The following BRINP3 variants were observed in gnomAD, a reference collection of about 807,000 sequenced individuals.
BRINP3 encodes the protein BMP/retinoic acid-inducible neural-specific protein 3.
In BRINP3, 19 loss-of-function variants were observed where a neutral mutation model predicts 71.0. The ratio of observed to expected loss-of-function variants is 0.27; its 90% CI spans 0.19 to 0.39. The LOEUF (loss-of-function observed/expected upper bound fraction) is 0.39. BRINP3 is among the 10% of genes least tolerant of loss of function. The probability of loss-of-function intolerance (pLI) is 1.00; values close to 1 mark genes in which losing one functional copy is unlikely to be tolerated. For synonymous variants in BRINP3, 380 were observed against 337.7 expected, an observed-to-expected ratio of 1.13 and a Z score of -1.37; for missense variants, 959 against 940.8, an observed-to-expected ratio of 1.02 and a Z score of -0.25.
At chr1:190,337,217 G>C (rs965733324) in intron 2 of BRINP3, among the ~76,000 whole-genome samples, 11 of 151,898 alleles carry the variant, frequency 7.2e-5, no homozygotes, top group Non-Finnish European at 2.9e-5. Flanking sequence ...GAAAAAAAAC[G>C]GATGGAAACT....
In BRINP3 at chr1:190,332,853, T is replaced by A. The variant is rs113071373; in HGVS notation, c.237-51103A>T. The stretch of plus-strand genomic sequence containing the variant: ...CCTGATTTAGAAAGATACTTCAGGC[T>A]ATTATCAATCCGGGTGTGTTTCCAT... On this transcript the variant is annotated intron_variant, in intron 2 of 7. Coordinates refer to ENST00000367462, the MANE Select transcript of BRINP3 (RefSeq NM_199051.3). Among the ~76,000 whole-genome samples, 775 of 152,134 alleles carry A rather than the reference T, an allele frequency of 5.1e-3. 7 individuals are homozygous for A. Among genetic ancestry groups the A allele is most frequent in the African/African-American group, 0.017 (727 of 41,544 alleles).
chr1:190,345,975 A>G (rs565639007), intron 2 of BRINP3, among the ~76,000 whole-genome samples: 1 of 152,110 alleles, frequency 6.6e-6, no homozygotes, highest in South Asian at 2.1e-4. Context: ...TAAATAAATT[A>G]TAATAGTCAC....
chr1:190,353,318 T>C (rs1668522118), intron 2 of BRINP3, among the ~76,000 whole-genome samples: 1 of 152,024 alleles, frequency 6.6e-6, no homozygotes, highest in Non-Finnish European at 1.5e-5. Context: ...AATGTGGGAA[T>C]AATGACATTG....
intron 2 of BRINP3, among the ~76,000 whole-genome samples, chr1:190,315,420 G>T (rs1665815525): frequency 6.6e-6 from 1 of 152,052 alleles, no homozygotes; most frequent in South Asian, 2.1e-4. Flanking sequence ...CTTTCAAAAG[G>T]CAGGGGTCAA....
intron 2 of BRINP3, among the ~76,000 whole-genome samples, chr1:190,402,155 G>A (rs1671969397): frequency 6.6e-6 from 1 of 152,004 alleles, no homozygotes; most frequent in Non-Finnish European, 1.5e-5. Context: ...AAAGATCACT[G>A]ATGTCGTAGA....
intron 2 of BRINP3, among the ~76,000 whole-genome samples, chr1:190,439,283 A>G (rs1487935271): frequency 7.2e-5 from 11 of 151,974 alleles, no homozygotes; most frequent in Admixed American, 6.6e-4. Context: ...AGGGAAAATG[A>G]AGAGTATTTC....
intron 7 of BRINP3, among the ~76,000 whole-genome samples, chr1:190,143,694 T>C (rs1387672990): frequency 2.6e-5 from 4 of 152,124 alleles, no homozygotes; most frequent in Non-Finnish European, 5.9e-5. Context: ...CATATAAGAA[T>C]GGTATCAACT....
At chr1:190,473,913 T>C (rs1677321632) in intron 1 of BRINP3, among the ~76,000 whole-genome samples, 1 of 151,912 alleles carries the variant, frequency 6.6e-6, no homozygotes, top group Non-Finnish European at 1.5e-5. Flanking sequence ...CCACCTCATG[T>C]ATTTTTTCTT....
At chr1:190,275,838 A>G (rs1348745050) in intron 3 of BRINP3, among the ~76,000 whole-genome samples, 2 of 151,616 alleles carry the variant, frequency 1.3e-5, no homozygotes, top group Non-Finnish European at 3.0e-5. Flanking sequence ...TTATTTACAT[A>G]AGTGATTTTT....
intron 7 of BRINP3, among the ~76,000 whole-genome samples, chr1:190,159,098 G>C (rs1250487768): frequency 6.6e-6 from 1 of 152,040 alleles, no homozygotes; most frequent in African/African-American, 2.4e-5. Context: ...AACATGAAAA[G>C]ATGTTCAAAG....
chr1:190,229,149 A>G (rs1049319231), intron 5 of BRINP3, among the ~76,000 whole-genome samples: 5 of 152,064 alleles, frequency 3.3e-5, no homozygotes, highest in African/African-American at 1.2e-4. Context: ...AGTGAGCCCA[A>G]TATTGGGTTA....
chr1:190,222,415 G>C (rs74715490), intron 6 of BRINP3, among the ~76,000 whole-genome samples: 1 of 151,548 alleles, frequency 6.6e-6, no homozygotes, highest in Non-Finnish European at 1.5e-5. Flanking sequence ...TATATCAAGC[G>C]GGATGTTTAT....
At chr1:190,253,705 A>T (rs1660369731) in intron 4 of BRINP3, among the ~76,000 whole-genome samples, 1 of 151,728 alleles carries the variant, frequency 6.6e-6, no homozygotes, top group South Asian at 2.1e-4. Flanking sequence ...GATTGCAAAA[A>T]TTTTCTCCCA....
chr1:190,301,844 A>G (rs1664762313), intron 2 of BRINP3, among the ~76,000 whole-genome samples: 1 of 152,156 alleles, frequency 6.6e-6, no homozygotes, highest in South Asian at 2.1e-4. Flanking sequence ...TCATTTAATC[A>G]TAAATAATAT....
chr1:190,308,922 A>T (rs1456151199), intron 2 of BRINP3, among the ~76,000 whole-genome samples: 1 of 151,960 alleles, frequency 6.6e-6, no homozygotes, highest in East Asian at 1.9e-4. Flanking sequence ...TTACCATATG[A>T]TCCAGCAATT....
intron 6 of BRINP3, among the ~76,000 whole-genome samples, chr1:190,176,144 T>C (rs1238926882): frequency 6.6e-6 from 1 of 152,198 alleles, no homozygotes; most frequent in African/African-American, 2.4e-5. Flanking sequence ...TTTGTAGGCA[T>C]TCTGTTTCAC....
intron 2 of BRINP3, among the ~76,000 whole-genome samples, chr1:190,335,002 T>C (rs1237091997): frequency 6.6e-6 from 1 of 151,870 alleles, no homozygotes; most frequent in Non-Finnish European, 1.5e-5. Context: ...ATGTTTGATA[T>C]CTAGTTTAAA....
intron 3 of BRINP3, among the ~76,000 whole-genome samples, chr1:190,277,986 T>TAG (rs1398889705): frequency 6.6e-6 from 1 of 151,796 alleles, no homozygotes; most frequent in East Asian, 1.9e-4. Context: ...TTTTTCTCTA[T>TAG]AGATAGAATG....
intron 2 of BRINP3, among the ~76,000 whole-genome samples, chr1:190,314,813 A>C (rs1665771447): frequency 6.6e-6 from 1 of 152,180 alleles, no homozygotes; most frequent in Non-Finnish European, 1.5e-5. Context: ...GAATGCACGC[A>C]TAAGAATTAT....
Sources: gnomAD v4.1 joint callset for allele counts (sites outside exome capture counted in the v4.1 genomes callset) on GRCh38, gnomAD v4.1.1 for gene constraint, MANE v1.5 for transcripts, NCBI Gene and HGNC (gene_info 2026-07-23, HGNC 2026-07-21) for gene names.